The following RMDN2 variants were observed in gnomAD, a reference collection of about 807,000 sequenced individuals.
The protein encoded by RMDN2 is regulator of microtubule dynamics protein 2.
RMDN2 carries 61 observed loss-of-function variants against 52.8 expected under a neutral mutation model. The observed-to-expected ratio is 1.16, with a 90% confidence interval of 0.94 to 1.43. RMDN2 has a LOEUF of 1.43. Among genes scored for constraint, RMDN2 ranks in the 40% most tolerant of loss-of-function variants. RMDN2 has a pLI of 0.00. For synonymous variants in RMDN2, 180 were observed against 153.1 expected, an observed-to-expected ratio of 1.18 and a Z score of -1.30; for missense variants, 592 against 475.3, an observed-to-expected ratio of 1.25 and a Z score of -2.28.
At chr2:37,994,292 C>T (rs183714769) in intron 7 of RMDN2, among the ~76,000 whole-genome samples, 1 of 152,160 alleles carries the variant, frequency 6.6e-6, no homozygotes, top group Admixed American at 6.5e-5. Context: ...GATAGATGAG[C>T]AGCATGAGCA....
intron 6 of RMDN2, among the ~76,000 whole-genome samples, chr2:37,990,118 G>C (rs1256603372): frequency 6.9e-6 from 1 of 145,804 alleles, no homozygotes; most frequent in Admixed American, 6.9e-5. Flanking sequence ...ACTCCAGCCT[G>C]GGTGACAGAG....
rs146932901 is a variant in RMDN2, at chr2:37,965,659, C to T, written c.453-8381C>T. On this transcript the variant is annotated intron_variant, in intron 2 of 10. Transcript: ENST00000354545. ...ATAAAAGGTGGAGTTATGAGCCAAA[C>T]TTAGAATAATTCTGTTATATTTTCC... 8.4e-3 allele frequency among the ~76,000 whole-genome samples: 1,281 copies of T among 152,172 alleles called. 22 individuals are homozygous for T. The highest frequency in any genetic ancestry group is 0.029 in the African/African-American group (1,197 of 41,546).
intron 2 of RMDN2, 81 bp downstream of exon 2, chr2:37,929,810 C>G (rs1666574649): frequency 1.1e-6 from 1 of 889,614 alleles, no homozygotes. Flanking sequence ...ATTATGGGTT[C>G]CAGTCATATA....
intron 5 of RMDN2, 122 bp from the exon 6 acceptor site, chr2:37,989,419 A>G (rs1489135198): frequency 1.2e-5 from 8 of 665,164 alleles, no homozygotes; most frequent in Non-Finnish European, 2.2e-5. Context: ...TTATATTTAT[A>G]TGAATACTCC....
At chr2:38,008,503 G>T (rs191375010) in intron 10 of RMDN2, among the ~76,000 whole-genome samples, 2 of 152,264 alleles carry the variant, frequency 1.3e-5, no homozygotes, top group African/African-American at 4.8e-5. Flanking sequence ...TTTAAAGTCT[G>T]TTTTCTCAGA....
upstream of RMDN2, among the ~76,000 whole-genome samples, chr2:37,925,114 C>T (rs1245114483): frequency 6.6e-6 from 1 of 152,148 alleles, no homozygotes; most frequent in African/African-American, 2.4e-5. Context: ...CGAAGGGAGG[C>T]GACGGCCGAG....
At chr2:38,067,070 C>A in exon 11 of RMDN2, 2 of 1,376,746 alleles carry the variant, frequency 1.5e-6, no homozygotes, top group Non-Finnish European at 2.1e-6. Context: ...AGAGTCATGA[C>A]CTAGGCCCTG....
chr2:37,926,413 TTCTCA>T (rs1283028477), intron 1 of RMDN2, among the ~76,000 whole-genome samples: 1 of 152,126 alleles, frequency 6.6e-6, no homozygotes, highest in African/African-American at 2.4e-5. Flanking sequence ...GAATACTTGA[TTCTCA>T]TCTCAACCTT....
chr2:37,993,078 G>T (rs1164794084), intron 7 of RMDN2, among the ~76,000 whole-genome samples: 1 of 151,864 alleles, frequency 6.6e-6, no homozygotes, highest in Non-Finnish European at 1.5e-5. Context: ...CCACGCTCGG[G>T]TATTTTTTTA....
chr2:37,966,476 G>T (rs1419049012), intron 2 of RMDN2, among the ~76,000 whole-genome samples: 1 of 151,736 alleles, frequency 6.6e-6, no homozygotes, highest in Non-Finnish European at 1.5e-5. Context: ...TTTGGCTTTG[G>T]CCGTTGTTTC....
At chr2:38,018,650 CA>C (rs1679101300), downstream of RMDN2, among the ~76,000 whole-genome samples, 2 of 152,258 alleles carry the variant, frequency 1.3e-5, no homozygotes, top group African/African-American at 4.8e-5. Flanking sequence ...AAAATAAGCA[CA>C]GAAGAGCATC....
rs137984628 is a variant in RMDN2 at position 37,961,437 on chromosome 2, T to C, written c.453-12603T>C. ...TGTCTTTACAATTTATTTCATTAAG[T>C]TAATCTGCAATCTCTGTTATCCTTT... On this transcript the variant is annotated intron_variant, in intron 2 of 10. Transcript: ENST00000354545. Among the ~76,000 whole-genome samples, 401 of 152,066 alleles carry C rather than the reference T, an allele frequency of 2.6e-3. 2 individuals carry two copies. Among genetic ancestry groups the C allele is most frequent in the Middle Eastern group, 0.01 (3 of 294 alleles).
intron 2 of RMDN2, among the ~76,000 whole-genome samples, chr2:37,955,896 A>C (rs1669392398): frequency 6.6e-6 from 1 of 152,164 alleles, no homozygotes. Flanking sequence ...TCCTGGAATA[A>C]ATTCCATCTG....
intron 2 of RMDN2, among the ~76,000 whole-genome samples, chr2:37,957,051 A>G (rs867554676): frequency 3.3e-5 from 5 of 152,164 alleles, no homozygotes; most frequent in Admixed American, 6.5e-5. Context: ...TATTCAGTCT[A>G]TCACTCATGG....
intron 5 of RMDN2, among the ~76,000 whole-genome samples, chr2:37,982,515 T>A (rs1673458963): frequency 6.6e-6 from 1 of 152,146 alleles, no homozygotes; most frequent in Admixed American, 6.5e-5. Flanking sequence ...ACTCCCAGTC[T>A]CTTCCTCCCT....
chr2:37,930,700 C>G (rs544581807), intron 2 of RMDN2, among the ~76,000 whole-genome samples: 1 of 152,208 alleles, frequency 6.6e-6, no homozygotes, highest in East Asian at 1.9e-4. Context: ...GCCCCCAACC[C>G]TGGATGGAAC....
At chr2:37,937,058 A>G (rs1572701586) in intron 2 of RMDN2, among the ~76,000 whole-genome samples, 1 of 151,778 alleles carries the variant, frequency 6.6e-6, no homozygotes, top group African/African-American at 2.4e-5. Flanking sequence ...AATCCAATCC[A>G]TCTTGAGTTA....
At chr2:38,005,843 A>G (rs1677002144) in intron 10 of RMDN2, among the ~76,000 whole-genome samples, 2 of 152,186 alleles carry the variant, frequency 1.3e-5, no homozygotes, top group African/African-American at 4.8e-5. Flanking sequence ...TAGGTCTAAC[A>G]TGTAAGTCTT....
Position 37,989,555 on chromosome 2 carries a change from G to A in RMDN2, c.806G>A (p.Cys269Tyr), listed in dbSNP as rs1358641042. 7 of 1,611,300 alleles carry A rather than the reference G, an allele frequency of 4.3e-6. No individual in the cohort carries two copies. The South Asian group carries it at 5.5e-5, about 13-fold the overall frequency. Residue 269 changes from cysteine (C) to tyrosine (Y), a missense_variant, in exon 6 of 11, where the codon TGT becomes TAT. Cys to Tyr is a radical substitution (Grantham distance 194). Coordinates refer to ENST00000354545, the MANE Select transcript of RMDN2 (RefSeq NM_001170791.3). The part of the protein sequence containing the change: ...GHCHLWYAVL[C>Y]GYVSEFEGLQ... ...GTCCTTTTCAGGTATGCAGTTTTGT[G>A]TGGCTATGTATCTGAGTTTGAGGGT...
Sources: gnomAD v4.1 joint callset for allele counts (sites outside exome capture counted in the v4.1 genomes callset) on GRCh38, gnomAD v4.1.1 for gene constraint, MANE v1.5 for transcripts, NCBI Gene and HGNC (gene_info 2026-07-23, HGNC 2026-07-21) for gene names.